The following MYO6 variants were observed in gnomAD, a reference collection of about 807,000 sequenced individuals.
MYO6 encodes the protein myosin VI.
MYO6 carries 74 observed loss-of-function variants against 178.7 expected under a neutral mutation model. The ratio of observed to expected loss-of-function variants is 0.41; its 90% confidence interval spans 0.34 to 0.50. The LOEUF is 0.50. Among genes scored for constraint, MYO6 ranks in the 20% least tolerant of loss-of-function variants. The probability of loss-of-function intolerance (pLI) is 0.09; values close to 1 mark genes in which losing one functional copy is unlikely to be tolerated. For synonymous variants in MYO6, 477 were observed against 504.6 expected (o/e 0.95, Z 0.73); for missense variants, 1,330 against 1,547.4 (o/e 0.86, Z 2.36).
intron 23 of MYO6, among the ~76,000 whole-genome samples, chr6:75,883,977 AAGAT>A (rs1778234816): frequency 6.6e-6 from 1 of 152,212 alleles, no homozygotes; most frequent in Admixed American, 6.5e-5. Context: ...AAAAAGAAAA[AAGAT>A]AGCAGAATCT....
At chr6:75,910,795 A>C (rs373491828) in intron 32 of MYO6, among the ~76,000 whole-genome samples, 2 of 152,168 alleles carry the variant, frequency 1.3e-5, no homozygotes, top group East Asian at 3.8e-4. Context: ...CAAGAAGCTC[A>C]ATTGAGAAAA....
At chr6:75,892,082 C>G (rs1199364842) in intron 27 of MYO6, among the ~76,000 whole-genome samples, 5 of 152,176 alleles carry the variant, frequency 3.3e-5, no homozygotes, top group African/African-American at 4.8e-5. Flanking sequence ...TTAAGAGTCT[C>G]TCTCCACCCC....
chr6:75,866,821 G>C, intron 17 of MYO6, 111 bp from the exon 18 acceptor site: 1 of 1,230,466 alleles, frequency 8.1e-7, no homozygotes. Flanking sequence ...GCGTTGGACA[G>C]TGCAGATACA....
At chr6:75,750,491 CTAACT>C (rs1776783100) in intron 1 of MYO6, among the ~76,000 whole-genome samples, 1 of 150,108 alleles carries the variant, frequency 6.7e-6, no homozygotes, top group Non-Finnish European at 1.5e-5. Flanking sequence ...GAGCACTGCC[CTAACT>C]TAATAGACTT....
At chr6:75,777,489 G>T (rs774324900) in intron 1 of MYO6, among the ~76,000 whole-genome samples, 7 of 151,284 alleles carry the variant, frequency 4.6e-5, no homozygotes, top group Non-Finnish European at 8.8e-5. Flanking sequence ...GTGCAGTGGC[G>T]CAATTTCAGT....
rs533783022 is a variant in MYO6, at chr6:75,782,726, TC to T, written c.-48+33304del. ...AGCCTGTGTTTATGTGTCCTTGTTT[TC>T]TTGCCCTTTATCTATTATTGCTGTG... On this transcript the variant is annotated intron_variant, in intron 1 of 34. Coordinates refer to ENST00000369977, the MANE Select transcript of MYO6 (RefSeq NM_004999.4). Among the ~76,000 whole-genome samples the T allele has an allele frequency of 1.3e-3, 191 of 152,268 alleles. 1 individual carries two copies. Among genetic ancestry groups the T allele is most frequent in the African/African-American group, 4.1e-3 (171 of 41,554 alleles).
At chr6:75,906,677 AAAAAAAC>A (rs199797436) in intron 30 of MYO6, among the ~76,000 whole-genome samples, 2,481 of 152,236 alleles carry the variant, frequency 0.016, 71 homozygotes, top group African/African-American at 0.057. Context: ...CCCCTTCTCA[AAAAAAAC>A]AAAAAACAAA....
At chr6:75,814,443 A>G (rs767803646) in intron 1 of MYO6, among the ~76,000 whole-genome samples, 6 of 152,044 alleles carry the variant, frequency 3.9e-5, no homozygotes, top group East Asian at 1.9e-4. Flanking sequence ...TAGTTGTTCA[A>G]TTTGGTGTTC....
intron 1 of MYO6, among the ~76,000 whole-genome samples, chr6:75,809,788 C>T (rs566930590): frequency 1.5e-4 from 22 of 150,510 alleles, no homozygotes; most frequent in African/African-American, 4.9e-4. Flanking sequence ...GTCAGCCCGG[C>T]GTGCTGGCTG....
At chr6:75,783,027 A>C (rs1767146192) in intron 1 of MYO6, among the ~76,000 whole-genome samples, 2 of 148,706 alleles carry the variant, frequency 1.3e-5, no homozygotes, top group Non-Finnish European at 1.5e-5. Flanking sequence ...TGATCCTACC[A>C]CCTCAGTCTC....
intron 1 of MYO6, among the ~76,000 whole-genome samples, chr6:75,814,235 G>A (rs917550159): frequency 6.6e-6 from 1 of 152,138 alleles, no homozygotes; most frequent in African/African-American, 2.4e-5. Context: ...CCACAAGCCT[G>A]TAGATTCTCT....
At chr6:75,901,811 C>A (rs372154686) in intron 30 of MYO6, among the ~76,000 whole-genome samples, 4 of 152,244 alleles carry the variant, frequency 2.6e-5, no homozygotes, top group East Asian at 1.9e-4. Flanking sequence ...CCGGTTTTCA[C>A]AGGGAATGCT....
chr6:75,895,462 G>A (rs968812810), intron 29 of MYO6, among the ~76,000 whole-genome samples: 1 of 149,808 alleles, frequency 6.7e-6, no homozygotes, highest in African/African-American at 2.4e-5. Flanking sequence ...TTCCTTCTTT[G>A]TATTGTCTGT....
chr6:75,821,594 C>T (rs1433265137), intron 2 of MYO6, among the ~76,000 whole-genome samples: 1 of 151,262 alleles, frequency 6.6e-6, no homozygotes, highest in Admixed American at 6.6e-5. Flanking sequence ...GTCCCAGCAG[C>T]GTGGATTTTA....
chr6:75,909,992 A>G lies in MYO6; in HGVS notation c.3412+1365A>G, dbSNP rs539251890. On this transcript the variant is annotated intron_variant, in intron 32 of 34. Coordinates refer to ENST00000369977, the MANE Select transcript of MYO6 (RefSeq NM_004999.4). ...TATTAATAGGGGTAATATTAGTGCC[A>G]GTTATTGCTCCAGGGGTGTCAGTCA... Among the ~76,000 whole-genome samples, 11 of 152,322 alleles carry G rather than the reference A, an allele frequency of 7.2e-5. No homozygotes were observed. In the East Asian group the frequency reaches 2.1e-3, roughly 29 times the overall value.
intron 11 of MYO6, among the ~76,000 whole-genome samples, chr6:75,853,070 G>T (rs1775421698): frequency 6.6e-6 from 1 of 152,130 alleles, no homozygotes; most frequent in Non-Finnish European, 1.5e-5. Context: ...GTTTTTATTT[G>T]CATTTTCCTG....
rs544861754 is a variant in MYO6, at chr6:75,844,120, G to A, written c.817-777G>A. On this transcript the variant is annotated intron_variant, in intron 9 of 34. Transcript: ENST00000369977. ...AAAAATGCAGTACTTTTAGTCTACC[G>A]TATAGCAAATATGTTCATTCACTTT... Among the ~76,000 whole-genome samples the A allele has an allele frequency of 2.0e-4, 30 of 152,168 alleles. 2 individuals are homozygous for A. The highest frequency in any genetic ancestry group is 1.2e-3 in the Admixed American group (18 of 15,272).
chr6:75,787,730 C>CTCTCTCTCTATATA (rs1767784406), intron 1 of MYO6, among the ~76,000 whole-genome samples: 1 of 11,660 alleles, frequency 8.6e-5, no homozygotes, highest in Non-Finnish European at 1.5e-4. Flanking sequence ...CTCTCTCTCT[C>CTCTCTCTCTATATA]TATATATATA....
intron 7 of MYO6, among the ~76,000 whole-genome samples, chr6:75,840,360 A>G (rs1774094798): frequency 6.6e-6 from 1 of 151,944 alleles, no homozygotes; most frequent in East Asian, 1.9e-4. Context: ...ACGGGGTTTC[A>G]TCATCTTGGC....
Sources: gnomAD v4.1 joint callset for allele counts (sites outside exome capture counted in the v4.1 genomes callset) on GRCh38, gnomAD v4.1.1 for gene constraint, MANE v1.5 for transcripts, NCBI Gene and HGNC (gene_info 2026-07-23, HGNC 2026-07-21) for gene names.